The following PRIM2 variants were observed in gnomAD, a reference collection of about 807,000 sequenced individuals.
PRIM2 encodes the protein DNA primase large subunit.
In PRIM2, 39 loss-of-function variants were observed where a neutral mutation model predicts 67.3. The observed-to-expected ratio is 0.58, with a 90% CI of 0.45 to 0.76. The LOEUF is 0.76. PRIM2 is among the 30% of genes least tolerant of loss of function. The pLI is 0.00. For synonymous variants in PRIM2, 143 were observed against 198.7 expected, an observed-to-expected ratio of 0.72 and a Z score of 2.36; for missense variants, 398 against 598.7, an observed-to-expected ratio of 0.66 and a Z score of 3.50.
At chr6:57,363,208 G>T (rs920720811) in intron 5 of PRIM2, among the ~76,000 whole-genome samples, 4 of 152,122 alleles carry the variant, frequency 2.6e-5, no homozygotes, top group African/African-American at 9.7e-5. Context: ...GCAAAGTATG[G>T]GTGAGAGTGT....
chr6:57,355,000 T>C lies in PRIM2; in HGVS notation c.460-24901T>C, dbSNP rs530713529. ...TGTCCATGTGCATTCACACCATGCA[T>C]AGAAATGGTCAGAACATATCGGGCT... On this transcript the variant is annotated intron_variant, in intron 5 of 13. Transcript: ENST00000615550. Among the ~76,000 whole-genome samples the C allele has an allele frequency of 2.6e-5, 4 of 152,372 alleles. No individual in the cohort carries two copies. The East Asian group carries it at 5.8e-4, about 22-fold the overall frequency.
At chr6:57,641,737 T>C (rs1427079386) in intron 13 of PRIM2, among the ~76,000 whole-genome samples, 1 of 152,172 alleles carries the variant, frequency 6.6e-6, no homozygotes, top group Non-Finnish European at 1.5e-5. Flanking sequence ...AAACAACAGA[T>C]GCTGGAGAGG....
At chr6:57,413,408 C>G (rs376397048) in intron 7 of PRIM2, among the ~76,000 whole-genome samples, 1,576 of 151,498 alleles carry the variant, frequency 0.01, 27 homozygotes, top group African/African-American at 0.036. Context: ...AACATCAAGG[C>G]AGCTTATAAT....
chr6:57,331,828 C>A (rs1301141181), intron 5 of PRIM2, among the ~76,000 whole-genome samples: 1 of 151,538 alleles, frequency 6.6e-6, no homozygotes, highest in African/African-American at 2.4e-5. Context: ...GTCAGTGTTA[C>A]TGGATTTGTT....
At chr6:57,278,784 C>A in the PRIM2 span, among the ~76,000 whole-genome samples, 1 of 151,722 alleles carries the variant, frequency 6.6e-6, no homozygotes, top group African/African-American at 2.4e-5. Context: ...GAAAGCGTGT[C>A]CAGCAGTTGG....
intron 8 of PRIM2, among the ~76,000 whole-genome samples, chr6:57,518,083 A>G (rs1774523516): frequency 6.6e-6 from 1 of 152,228 alleles, no homozygotes; most frequent in Non-Finnish European, 1.5e-5. Context: ...ACCAAGACTC[A>G]CCAAAAGTTT....
the PRIM2 span, among the ~76,000 whole-genome samples, chr6:57,298,010 A>G: frequency 0.079 from 12,104 of 152,282 alleles, 701 homozygotes; most frequent in Non-Finnish European, 0.13. Context: ...GTAATTTTTG[A>G]TGTTACTTCT....
chr6:57,444,022 G>A (rs572474582), intron 7 of PRIM2, among the ~76,000 whole-genome samples: 4 of 152,230 alleles, frequency 2.6e-5, no homozygotes, highest in East Asian at 1.9e-4. Flanking sequence ...TGAATAGACC[G>A]TCCTTTTCCC....
intron 7 of PRIM2, among the ~76,000 whole-genome samples, chr6:57,431,445 G>A (rs1771823832): frequency 6.6e-6 from 1 of 151,984 alleles, no homozygotes; most frequent in Non-Finnish European, 1.5e-5. Flanking sequence ...TTGATCCCAG[G>A]AGTTTCAGAC....
chr6:57,304,958 C>T, the PRIM2 span, among the ~76,000 whole-genome samples: 1 of 152,168 alleles, frequency 6.6e-6, no homozygotes, highest in East Asian at 1.9e-4. Context: ...GAAGTAATTC[C>T]ACATGCATCA....
the PRIM2 span, among the ~76,000 whole-genome samples, chr6:57,273,289 C>A: frequency 6.6e-6 from 1 of 152,332 alleles, no homozygotes; most frequent in East Asian, 1.9e-4. Flanking sequence ...TTGGTCTTTT[C>A]ACATAGTCCC....
chr6:57,628,615 T>G (rs1377741438), intron 12 of PRIM2, among the ~76,000 whole-genome samples: 1 of 152,208 alleles, frequency 6.6e-6, no homozygotes, highest in Non-Finnish European at 1.5e-5. Context: ...TAGTACCTGA[T>G]AGGTAGCTTT....
chr6:57,513,565 C>A (rs1774413174), intron 8 of PRIM2, among the ~76,000 whole-genome samples: 1 of 151,974 alleles, frequency 6.6e-6, no homozygotes, highest in Non-Finnish European at 1.5e-5. Flanking sequence ...ATATGAAGTG[C>A]ATTGGGGGAC....
chr6:57,483,889 G>A (rs1773685865), intron 7 of PRIM2, among the ~76,000 whole-genome samples: 4 of 152,148 alleles, frequency 2.6e-5, no homozygotes, highest in Non-Finnish European at 5.9e-5. Context: ...TGAAATGTAA[G>A]CCAGTATTGG....
In PRIM2 at chr6:57,496,515, G is replaced by A. The variant is rs1554346402; in HGVS notation, c.694-10872G>A. Among the ~76,000 whole-genome samples the A allele has an allele frequency of 1.4e-4, 21 of 152,222 alleles. No homozygotes were observed. The East Asian group carries it at 2.1e-3, about 15-fold the overall frequency. On this transcript the variant is annotated intron_variant, in intron 7 of 13. Transcript: ENST00000615550. Reference sequence around the variant, plus strand: ...AGTGTACATAGTAGAATTTATGTGCGTATTTAGGAATTTCTATGAGAAACT... The same window carrying A: ...AGTGTACATAGTAGAATTTATGTGCATATTTAGGAATTTCTATGAGAAACT...
chr6:57,357,386 C>T (rs967818737), intron 5 of PRIM2, among the ~76,000 whole-genome samples: 1 of 152,174 alleles, frequency 6.6e-6, no homozygotes, highest in Non-Finnish European at 1.5e-5. Flanking sequence ...CTGTTTACCT[C>T]CCTAGCCTCA....
At chr6:57,365,329 C>T (rs1263653567) in intron 5 of PRIM2, among the ~76,000 whole-genome samples, 1 of 151,126 alleles carries the variant, frequency 6.6e-6, no homozygotes, top group East Asian at 1.9e-4. Flanking sequence ...TGTTTTCCCT[C>T]CATCTCTGTC....
At chr6:57,553,311 A>G (rs1391518354) in intron 10 of PRIM2, among the ~76,000 whole-genome samples, 1 of 152,160 alleles carries the variant, frequency 6.6e-6, no homozygotes, top group Non-Finnish European at 1.5e-5. Flanking sequence ...ATATACATAT[A>G]TAGATTAATT....
At chr6:57,336,124 A>T (rs1319455367) in intron 5 of PRIM2, among the ~76,000 whole-genome samples, 2 of 152,224 alleles carry the variant, frequency 1.3e-5, no homozygotes, top group African/African-American at 4.8e-5. Context: ...GGAAGATGAA[A>T]TGAATGAAAT....
Sources: gnomAD v4.1 joint callset for allele counts (sites outside exome capture counted in the v4.1 genomes callset) on GRCh38, gnomAD v4.1.1 for gene constraint, MANE v1.5 for transcripts, NCBI Gene and HGNC (gene_info 2026-07-23, HGNC 2026-07-21) for gene names.